The following BTNL8 variants were observed in gnomAD, a reference collection of about 807,000 sequenced individuals.
The protein encoded by BTNL8 is butyrophilin-like protein 8.
Under a neutral mutation model 36.1 loss-of-function variants are expected in BTNL8, and 22 were observed. The ratio of observed to expected loss-of-function variants is 0.61; its 90% CI spans 0.44 to 0.87. BTNL8 has a LOEUF of 0.87. Ranked by LOEUF, BTNL8 falls within the 40% of genes least tolerant of loss-of-function variation. BTNL8 has a pLI of 0.00. For missense variants in BTNL8, 526 were observed against 616.9 expected (o/e 0.85, Z 1.56); for synonymous variants, 203 against 235.6 (o/e 0.86, Z 1.27).
chr5:180,902,793 C>T (rs1437316893), intron 1 of BTNL8, among the ~76,000 whole-genome samples: 29 of 142,942 alleles, frequency 2.0e-4, no homozygotes, highest in East Asian at 4.0e-4. Flanking sequence ...TTTGTTCTTG[C>T]GATAGTTTAC....
At chr5:180,931,990 T>C (rs560418927) in intron 3 of BTNL8, among the ~76,000 whole-genome samples, 150 of 152,300 alleles carry the variant, frequency 9.8e-4, no homozygotes, top group African/African-American at 3.2e-3. Flanking sequence ...ATCATTCTAC[T>C]ATAAAGACAC....
intron 3 of BTNL8, among the ~76,000 whole-genome samples, chr5:180,939,351 G>C (rs1403423851): frequency 6.6e-6 from 1 of 151,884 alleles, no homozygotes; most frequent in African/African-American, 2.4e-5. Flanking sequence ...CTGAAATTGA[G>C]GGATGATGAA....
At position 180,948,373 on chromosome 5, in the gene BTNL8, T is replaced by G. The variant is rs756342912; in HGVS notation, c.806T>G (p.Leu269Arg). ...GTTTCAGGGAAAATCCAGGCGGAAC[T>G]GGGTAAGTATGTGTCATGTCCTGAG... is the stretch of plus-strand genomic sequence containing the variant. ...SKFQWKIQAE[L>R]DWRRKHGQAE... The change falls in exon 5 of 8, where the codon CTG (leucine) becomes CGG (arginine). Residue 269 changes from leucine (L) to arginine (R), a missense_variant and splice_region_variant. Leu to Arg is a moderately radical substitution (Grantham distance 102, BLOSUM62 -2). Around this residue, in one of 2 missense-constraint regions of BTNL8, gnomAD observed 176 missense variants for 292.3 expected, o/e 0.60. Coordinates refer to ENST00000340184, the MANE Select transcript of BTNL8 (RefSeq NM_001040462.3). 1 of 1,466,102 alleles carries G rather than the reference T, an allele frequency of 6.8e-7. No homozygotes were observed. Among genetic ancestry groups the G allele is most frequent in the African/African-American group, 1.4e-5 (1 of 72,804 alleles). 90.8% of individuals were successfully genotyped at this position (1,466,102 alleles called of 1,614,324 possible).
chr5:180,927,596 G>A (rs1162127043), intron 3 of BTNL8, among the ~76,000 whole-genome samples: 1 of 152,142 alleles, frequency 6.6e-6, no homozygotes, highest in Non-Finnish European at 1.5e-5. Context: ...AAAGGTTAGA[G>A]GAGCTGCTAA....
intron 2 of BTNL8, chr5:180,909,726 A>AAG (rs1381641031): frequency 3.1e-6 from 1 of 318,670 alleles, no homozygotes; most frequent in East Asian, 1.7e-4. Context: ...TAAAAAAAAA[A>AAG]AAAAAAGAAG....
rs190489695 is a variant in BTNL8, at chr5:180,947,379, A to C, written c.674-133A>C. ...CATTTTATAACAAAAGTACAATCAAAGTATTAAGCCTATAGGAGAATTTAT... is the reference window on the plus strand; with the variant it reads ...CATTTTATAACAAAAGTACAATCAACGTATTAAGCCTATAGGAGAATTTAT... On this transcript the variant is annotated intron_variant, in intron 3 of 7. Transcript: ENST00000340184. The C allele has an allele frequency of 9.2e-4, 1,117 of 1,218,510 alleles. 11 individuals are homozygous for C. In the African/African-American group the frequency reaches 0.016, roughly 17 times the overall value. 75.5% of individuals were successfully genotyped at this position (1,218,510 alleles called of 1,614,324 possible).
intron 3 of BTNL8, among the ~76,000 whole-genome samples, chr5:180,932,785 AC>A (rs1758459023): frequency 6.6e-6 from 1 of 152,228 alleles, no homozygotes; most frequent in Non-Finnish European, 1.5e-5. Flanking sequence ...TAAAAGATCT[AC>A]AAAACCAACA....
chr5:180,921,101 T>C (rs1757843219), intron 3 of BTNL8, among the ~76,000 whole-genome samples: 1 of 152,112 alleles, frequency 6.6e-6, no homozygotes, highest in South Asian at 2.1e-4. Context: ...CTAATACATT[T>C]AGTAAAGTTG....
intron 1 of BTNL8, among the ~76,000 whole-genome samples, chr5:180,900,530 G>T (rs939964632): frequency 6.6e-6 from 1 of 152,222 alleles, no homozygotes; most frequent in African/African-American, 2.4e-5. Flanking sequence ...GGTGACAGCA[G>T]CAAGGGCTGG....
At chr5:180,913,804 G>A (rs924126891) in intron 3 of BTNL8, among the ~76,000 whole-genome samples, 10 of 152,196 alleles carry the variant, frequency 6.6e-5, no homozygotes, top group African/African-American at 2.2e-4. Context: ...CATTCTCTAC[G>A]AATAACTACT....
rs564327616 is a variant in BTNL8, at chr5:180,910,350, G to A, written c.398-989G>A. 8.6e-4 allele frequency among the ~76,000 whole-genome samples: 131 copies of A among 152,072 alleles called. 1 individual carries two copies. The highest frequency in any genetic ancestry group is 1.6e-3 in the Non-Finnish European group (106 of 67,982). On this transcript the variant is annotated intron_variant, in intron 2 of 7. Coordinates refer to ENST00000340184, the MANE Select transcript of BTNL8 (RefSeq NM_001040462.3). ...ATAAGCTACAGGTCTGCCTTTCTTC[G>A]TCATCCTGGACATACAGTCCAGGAT...
rs199999371 is a variant in BTNL8 at position 180,935,919 on chromosome 5, C to CT, written c.674-11580dup. Among the ~76,000 whole-genome samples the CT allele has an allele frequency of 0.03, 4,423 of 147,200 alleles. 104 individuals carry two copies. The highest frequency in any genetic ancestry group is 0.091 in the Admixed American group (1,347 of 14,756). ...AATACAAGAATGCCCATTCTTATAA[C>CT]TTTTTTTTTTTTTGGTGTCTTGCTC... On this transcript the variant is annotated intron_variant, in intron 3 of 7. Coordinates refer to ENST00000340184, the MANE Select transcript of BTNL8 (RefSeq NM_001040462.3). This position sits in a 1 kb window ranked among gnomAD's most constrained non-coding sequence, Gnocchi z 4.8.
At position 180,945,437 on chromosome 5, in the gene BTNL8, A is replaced by T. The variant is rs571589088; in HGVS notation, c.674-2075A>T. 5.5e-4 allele frequency among the ~76,000 whole-genome samples: 81 copies of T among 147,650 alleles called. 3 individuals carry two copies. The South Asian group carries it at 0.016, about 28-fold the overall frequency. ...TTTGAATATGACATAAAAAGCACAG[A>T]CAAAAAAGCAAAAATAGACAAATGG... On this transcript the variant is annotated intron_variant, in intron 3 of 7. Transcript: ENST00000340184.
intron 1 of BTNL8, among the ~76,000 whole-genome samples, chr5:180,900,313 A>AGC (rs1756770398): frequency 6.6e-6 from 1 of 152,202 alleles, no homozygotes; most frequent in Admixed American, 6.5e-5. Flanking sequence ...TATTGTTCAC[A>AGC]GCTTCCTTAG....
intron 3 of BTNL8, among the ~76,000 whole-genome samples, chr5:180,927,662 A>C (rs1758166871): frequency 6.6e-6 from 1 of 152,204 alleles, no homozygotes; most frequent in Non-Finnish European, 1.5e-5. Flanking sequence ...TGAAAAACAC[A>C]GCATGAGAAC....
chr5:180,945,904 C>T (rs185302567), intron 3 of BTNL8: 2 of 324,802 alleles, frequency 6.2e-6, no homozygotes, highest in Non-Finnish European at 1.4e-5. Context: ...TTAAGTTGAA[C>T]TAAGTGCTCT....
chr5:180,926,050 A>G (rs143462391), intron 3 of BTNL8, among the ~76,000 whole-genome samples: 40 of 152,352 alleles, frequency 2.6e-4, no homozygotes, highest in African/African-American at 8.7e-4. Flanking sequence ...GCCAAATAGG[A>G]ACAGCTGCGG....
chr5:180,905,419 TTTTC>T (rs1303080445), intron 1 of BTNL8, among the ~76,000 whole-genome samples: 9 of 109,236 alleles, frequency 8.2e-5, no homozygotes, highest in Non-Finnish European at 1.6e-4. Context: ...TTCTCTCTTT[TTTTC>T]TTTATTAGTC....
chr5:180,934,990 G>A lies in BTNL8; in HGVS notation c.674-12522G>A, dbSNP rs562579603. ...TTATTGAGCAACAGAACAATTCTCA[G>A]GAGACCTGAAGTGGGTAGCTCCTTT... On this transcript the variant is annotated intron_variant, in intron 3 of 7. Transcript: ENST00000340184. Among the ~76,000 whole-genome samples the A allele has an allele frequency of 8.4e-4, 128 of 152,286 alleles. 1 individual carries two copies. Among genetic ancestry groups the A allele is most frequent in the Middle Eastern group, 6.8e-3 (2 of 294 alleles).
Sources: allele counts gnomAD v4.1 joint callset (sites outside exome capture counted in the v4.1 genomes callset), GRCh38; gene constraint gnomAD v4.1.1; regional missense constraint gnomAD v4.1.1; non-coding constraint Gnocchi (gnomAD v3.1); transcripts MANE v1.5; gene names NCBI Gene and HGNC (gene_info 2026-07-23, HGNC 2026-07-21).